ZNF407: variants seen among roughly 807,000 people sequenced by gnomAD.
The protein encoded by ZNF407 is zinc finger protein 407.
ZNF407 carries 17 observed loss-of-function variants against 131.2 expected under a neutral mutation model. The observed-to-expected ratio is 0.13, with a 90% CI of 0.09 to 0.19. The LOEUF is 0.19. Among genes scored for constraint, ZNF407 ranks in the 10% least tolerant of loss-of-function variants. ZNF407 has a pLI of 1.00. For synonymous variants in ZNF407, 1,156 were observed against 1,062.0 expected, an observed-to-expected ratio of 1.09 and a Z score of -1.72; for missense variants, 2,681 against 2,830.6, an observed-to-expected ratio of 0.95 and a Z score of 1.20.
At chr18:74,917,924 C>T (rs546163642) in intron 7 of ZNF407, among the ~76,000 whole-genome samples, 2 of 152,226 alleles carry the variant, frequency 1.3e-5, no homozygotes, top group African/African-American at 4.8e-5. Context: ...TTTGTTTTCT[C>T]TCCCCAGTGT....
chr18:75,005,524 T>A (rs892346918), intron 8 of ZNF407, among the ~76,000 whole-genome samples: 1 of 152,162 alleles, frequency 6.6e-6, no homozygotes, highest in Non-Finnish European at 1.5e-5. Context: ...AAAATTCATT[T>A]CTATTGAGAT....
chr18:74,895,511 G>A (rs1971442738), intron 7 of ZNF407, among the ~76,000 whole-genome samples: 2 of 151,958 alleles, frequency 1.3e-5, no homozygotes, highest in African/African-American at 4.8e-5. Flanking sequence ...TCTGAACTTT[G>A]CATATTGCTG....
intron 4 of ZNF407, among the ~76,000 whole-genome samples, chr18:74,864,331 A>C (rs1329367566): frequency 6.6e-6 from 1 of 152,184 alleles, no homozygotes; most frequent in Non-Finnish European, 1.5e-5. Flanking sequence ...TTATTGGATC[A>C]TACTTCGAAG....
At chr18:74,960,762 A>G (rs1182678806) in intron 8 of ZNF407, among the ~76,000 whole-genome samples, 1 of 138,064 alleles carries the variant, frequency 7.2e-6, no homozygotes, top group Non-Finnish European at 1.5e-5. Context: ...GTCCTGAGTG[A>G]GGACTGCATG....
intron 4 of ZNF407, among the ~76,000 whole-genome samples, chr18:74,831,220 G>GCCAA (rs1970478590): frequency 6.6e-6 from 1 of 152,166 alleles, no homozygotes; most frequent in Non-Finnish European, 1.5e-5. Context: ...GTTGTGAACA[G>GCCAA]CATGGCAGTA....
At chr18:74,906,529 T>C (rs190555907) in intron 7 of ZNF407, among the ~76,000 whole-genome samples, 1 of 152,386 alleles carries the variant, frequency 6.6e-6, no homozygotes, top group Admixed American at 6.5e-5. Context: ...CACTTAAAGA[T>C]ATTTTTATGA....
At chr18:74,645,792 T>A (rs1444723098) in intron 3 of ZNF407, among the ~76,000 whole-genome samples, 1 of 152,138 alleles carries the variant, frequency 6.6e-6, no homozygotes, top group Non-Finnish European at 1.5e-5. Flanking sequence ...TGTCAGAGAA[T>A]GTCTGTACTA....
At chr18:74,988,177 T>A (rs1437359646) in intron 8 of ZNF407, among the ~76,000 whole-genome samples, 1 of 152,242 alleles carries the variant, frequency 6.6e-6, no homozygotes, top group Non-Finnish European at 1.5e-5. Flanking sequence ...ATGATCTTTT[T>A]AATTAACGGT....
chr18:74,896,989 AT>A (rs1377851554), intron 7 of ZNF407, among the ~76,000 whole-genome samples: 1 of 151,850 alleles, frequency 6.6e-6, no homozygotes, highest in African/African-American at 2.4e-5. Context: ...TTGGTTTTGT[AT>A]TTTGTATAAT....
chr18:74,631,630 ATGC>A lies in ZNF407; in HGVS notation c.614_616del (p.Ala205del), dbSNP rs1440245720. 7 of 1,613,852 alleles carry A rather than the reference ATGC, an allele frequency of 4.3e-6. No individual in the cohort carries two copies. The highest frequency in any genetic ancestry group is 1.1e-5 in the South Asian group (1 of 91,074). On this transcript the variant is annotated inframe_deletion, in exon 2 of 9. Transcript: ENST00000299687. Reference sequence around the variant, plus strand: ...TCTTCTTGCTCTGACTTGGAAAAACATGCTGAGTCTCACATGCAGCAGCCTAAG... The same window carrying A: ...TCTTCTTGCTCTGACTTGGAAAAACATGAGTCTCACATGCAGCAGCCTAAG...
At chr18:74,984,065 C>T (rs549097709) in intron 8 of ZNF407, among the ~76,000 whole-genome samples, 1 of 152,178 alleles carries the variant, frequency 6.6e-6, no homozygotes, top group Non-Finnish European at 1.5e-5. Flanking sequence ...GAGGGAAAAC[C>T]ATCTCTCTTC....
At chr18:75,003,036 C>A (rs2122163784) in intron 8 of ZNF407, among the ~76,000 whole-genome samples, 1 of 152,252 alleles carries the variant, frequency 6.6e-6, no homozygotes, top group East Asian at 1.9e-4. Flanking sequence ...ACACAGACCT[C>A]TAAATTCTGT....
Position 74,967,971 on chromosome 18 carries a change from A to G in ZNF407, c.5428+47279A>G, listed in dbSNP as rs139521376. Among the ~76,000 whole-genome samples, 123 of 152,086 alleles carry G rather than the reference A, an allele frequency of 8.1e-4. 1 individual carries two copies. The highest frequency in any genetic ancestry group is 2.7e-3 in the African/African-American group (113 of 41,494). On this transcript the variant is annotated intron_variant, in intron 8 of 8. Transcript: ENST00000299687. Reference sequence around the variant, plus strand: ...CACTGCTACATTTGTTCAATTGTCTATGTTTTTTTGTGTGCTTGTTTTCAT... The same window carrying G: ...CACTGCTACATTTGTTCAATTGTCTGTGTTTTTTTGTGTGCTTGTTTTCAT...
intron 4 of ZNF407, among the ~76,000 whole-genome samples, chr18:74,827,466 T>C (rs1970424197): frequency 6.6e-6 from 1 of 152,096 alleles, no homozygotes; most frequent in Non-Finnish European, 1.5e-5. Context: ...TATACTCCAT[T>C]GTTTTCATTT....
At chr18:74,785,392 G>A (rs2145037273) in intron 4 of ZNF407, among the ~76,000 whole-genome samples, 1 of 152,252 alleles carries the variant, frequency 6.6e-6, no homozygotes, top group Admixed American at 6.5e-5. Flanking sequence ...CCCCTTTTAT[G>A]AGACATTTGG....
chr18:75,033,115 TAA>T (rs1422874785), intron 8 of ZNF407, among the ~76,000 whole-genome samples: 10 of 125,868 alleles, frequency 7.9e-5, no homozygotes, highest in Non-Finnish European at 1.4e-4. Flanking sequence ...ATTAGATAAC[TAA>T]GAGTGCTCAG....
intron 3 of ZNF407, among the ~76,000 whole-genome samples, chr18:74,681,535 G>A (rs1231975619): frequency 6.6e-6 from 1 of 152,046 alleles, no homozygotes; most frequent in Non-Finnish European, 1.5e-5. Context: ...GAGCCATCGC[G>A]CCTGGCCTGT....
At chr18:74,871,200 C>T (rs77156879) in intron 4 of ZNF407, among the ~76,000 whole-genome samples, 2,474 of 152,270 alleles carry the variant, frequency 0.016, 79 homozygotes, top group African/African-American at 0.057. Context: ...CTGCATTCTT[C>T]ACAGAAGTGA....
chr18:74,883,252 G>A (rs1377023045), intron 6 of ZNF407, among the ~76,000 whole-genome samples: 1 of 152,174 alleles, frequency 6.6e-6, no homozygotes, highest in East Asian at 1.9e-4. Context: ...TCTTAAGACT[G>A]TTTGCTTCAA....
Sources: gnomAD v4.1 joint callset for allele counts (sites outside exome capture counted in the v4.1 genomes callset) on GRCh38, gnomAD v4.1.1 for gene constraint, MANE v1.5 for transcripts, NCBI Gene and HGNC (gene_info 2026-07-23, HGNC 2026-07-21) for gene names.